The following ULK4 variants were observed in gnomAD, a reference collection of about 807,000 sequenced individuals.
The protein encoded by ULK4 is inactive serine/threonine-protein kinase ULK4.
ULK4 carries 133 observed loss-of-function variants against 160.6 expected under a neutral mutation model. The ratio of observed to expected loss-of-function variants is 0.83; its 90% CI spans 0.72 to 0.96. The LOEUF is 0.96. Among genes scored for constraint, ULK4 ranks in the 40% least tolerant of loss-of-function variants. The pLI is 0.00. For missense variants in ULK4, 1,580 were observed against 1,499.5 expected (o/e 1.05, Z -0.89); for synonymous variants, 534 against 539.8 (o/e 0.99, Z 0.15).
chr3:41,615,897 C>CT (rs1329827490), intron 30 of ULK4, among the ~76,000 whole-genome samples, 180 bp from the exon 31 acceptor site: 4 of 152,048 alleles, frequency 2.6e-5, no homozygotes, highest in Admixed American at 6.5e-5. Flanking sequence ...AAATATGAGG[C>CT]TTTTTTGCAA....
chr3:41,827,845 A>G (rs1157841320), intron 18 of ULK4, among the ~76,000 whole-genome samples: 1 of 152,006 alleles, frequency 6.6e-6, no homozygotes, highest in East Asian at 1.9e-4. Flanking sequence ...AGACACAACC[A>G]AAAAAGAGAA....
chr3:41,844,116 C>A (rs2042005609), intron 17 of ULK4, among the ~76,000 whole-genome samples: 1 of 152,214 alleles, frequency 6.6e-6, no homozygotes, highest in Non-Finnish European at 1.5e-5. Flanking sequence ...CCCAGTGGAT[C>A]CCCCACCGGG....
intron 1 of ULK4, among the ~76,000 whole-genome samples, chr3:41,955,176 G>A (rs889666406): frequency 6.6e-6 from 1 of 152,200 alleles, no homozygotes; most frequent in East Asian, 1.9e-4. Flanking sequence ...TGTAATCCCA[G>A]CTACGCGGGA....
chr3:41,805,178 C>T (rs1010019724), intron 19 of ULK4, among the ~76,000 whole-genome samples: 3 of 152,186 alleles, frequency 2.0e-5, no homozygotes, highest in Non-Finnish European at 4.4e-5. Context: ...GTTTCTAGTT[C>T]TCCTTGAAGA....
At chr3:41,908,815 G>A (rs531122975) in intron 11 of ULK4, among the ~76,000 whole-genome samples, 10 of 152,154 alleles carry the variant, frequency 6.6e-5, no homozygotes, top group East Asian at 1.9e-4. Flanking sequence ...CTTCAGGGCC[G>A]AGTGCGGTGG....
At chr3:41,853,842 C>A (rs2042272313) in intron 17 of ULK4, among the ~76,000 whole-genome samples, 1 of 152,176 alleles carries the variant, frequency 6.6e-6, no homozygotes, top group South Asian at 2.1e-4. Context: ...TTGTAATGCA[C>A]TTAAATGTTA....
At chr3:41,405,501 G>T (rs985236238) in intron 34 of ULK4, among the ~76,000 whole-genome samples, 4 of 152,138 alleles carry the variant, frequency 2.6e-5, no homozygotes, top group African/African-American at 9.7e-5. Context: ...CCACTAATGA[G>T]ACTGCTGAGT....
chr3:41,771,629 C>A (rs1303223646), intron 21 of ULK4, among the ~76,000 whole-genome samples: 1 of 152,086 alleles, frequency 6.6e-6, no homozygotes, highest in Non-Finnish European at 1.5e-5. Flanking sequence ...GTAAAAGCTA[C>A]CCATGTGGTA....
intron 22 of ULK4, among the ~76,000 whole-genome samples, chr3:41,722,369 C>T (rs749261764): frequency 6.6e-6 from 1 of 152,164 alleles, no homozygotes; most frequent in Non-Finnish European, 1.5e-5. Context: ...TGGCTCACAC[C>T]TGTAATCCCA....
At chr3:41,339,211 T>G (rs1275154595) in intron 35 of ULK4, among the ~76,000 whole-genome samples, 1 of 152,008 alleles carries the variant, frequency 6.6e-6, no homozygotes, top group African/African-American at 2.4e-5. Flanking sequence ...CCCCTGGGTC[T>G]TTTTTCTGGT....
At position 41,414,639 on chromosome 3, in the gene ULK4, C is replaced by T. The variant is rs74323974; in HGVS notation, c.3493-16375G>A. Among the ~76,000 whole-genome samples the T allele has an allele frequency of 4.4e-3, 669 of 152,246 alleles. 6 individuals are homozygous for T. Among genetic ancestry groups the T allele is most frequent in the African/African-American group, 0.015 (640 of 41,534 alleles). On this transcript the variant is annotated intron_variant, in intron 34 of 36. Transcript: ENST00000301831. The stretch of plus-strand genomic sequence containing the variant: ...CCAAAAAGCACTTGAAGAATAGACT[C>T]GTCTATTTTGTTAGGACACCTTTAA...
intron 32 of ULK4, among the ~76,000 whole-genome samples, chr3:41,558,703 CAAA>C (rs35292019): frequency 7.2e-6 from 1 of 138,836 alleles, no homozygotes; most frequent in East Asian, 2.1e-4. Flanking sequence ...GACTCCATCT[CAAA>C]AAAAAAAGAA....
chr3:41,692,241 G>A lies in ULK4; in HGVS notation c.2782-10437C>T, dbSNP rs187034644. On this transcript the variant is annotated intron_variant, in intron 27 of 36. Transcript: ENST00000301831. ...GCTGGGATTACAGGCGTGAGCCACC[G>A]CGCCGGCCCATTAAATCACTTCTAA... Among the ~76,000 whole-genome samples the A allele has an allele frequency of 3.2e-3, 474 of 148,558 alleles. 2 individuals are homozygous for A. The highest frequency in any genetic ancestry group is 0.011 in the African/African-American group (453 of 41,278).
At chr3:41,723,241 G>A (rs2037536156) in intron 22 of ULK4, among the ~76,000 whole-genome samples, 1 of 152,078 alleles carries the variant, frequency 6.6e-6, no homozygotes, top group Non-Finnish European at 1.5e-5. Context: ...AACAGTAAGT[G>A]CCTGAAAATG....
intron 30 of ULK4, among the ~76,000 whole-genome samples, chr3:41,640,205 C>T (rs1267157958): frequency 6.6e-6 from 1 of 152,156 alleles, no homozygotes; most frequent in Non-Finnish European, 1.5e-5. Context: ...CCCACTGGAC[C>T]AGCTAGGAAA....
intron 31 of ULK4, among the ~76,000 whole-genome samples, chr3:41,583,818 T>G (rs906141595): frequency 1.3e-5 from 2 of 152,200 alleles, no homozygotes; most frequent in African/African-American, 4.8e-5. Context: ...GATCCTAGGG[T>G]ATGGCATGGT....
chr3:41,807,376 G>C (rs1340980196), intron 19 of ULK4, among the ~76,000 whole-genome samples: 5 of 151,974 alleles, frequency 3.3e-5, no homozygotes, highest in African/African-American at 1.2e-4. Flanking sequence ...TACATTGCTT[G>C]GTTTGTTACA....
chr3:41,297,879 T>C (rs1470483603), intron 35 of ULK4, among the ~76,000 whole-genome samples: 2 of 152,200 alleles, frequency 1.3e-5, no homozygotes, highest in African/African-American at 4.8e-5. Context: ...ATCAGCCCAC[T>C]GTATCCAAGG....
intron 30 of ULK4, among the ~76,000 whole-genome samples, chr3:41,629,318 A>G (rs540526401): frequency 6.6e-6 from 1 of 152,172 alleles, no homozygotes; most frequent in Non-Finnish European, 1.5e-5. Flanking sequence ...GGCTGGGATG[A>G]TTCAAGGAAG....
Sources: gnomAD v4.1 joint callset for allele counts (sites outside exome capture counted in the v4.1 genomes callset) on GRCh38, gnomAD v4.1.1 for gene constraint, MANE v1.5 for transcripts, NCBI Gene and HGNC (gene_info 2026-07-23, HGNC 2026-07-21) for gene names.